ARHGAP32: variants seen among roughly 807,000 people sequenced by gnomAD.
ARHGAP32 encodes the protein Rho GTPase activating protein 32, also known as rho GTPase-activating protein 32.
Under a neutral mutation model 186.5 loss-of-function variants are expected in ARHGAP32, and 51 were observed. That is an observed-to-expected ratio of 0.27 (90% CI 0.22 to 0.35). ARHGAP32 has a LOEUF of 0.35. ARHGAP32 is among the 10% of genes least tolerant of loss of function. ARHGAP32 has a pLI of 1.00. For synonymous variants in ARHGAP32, 950 were observed against 964.3 expected (o/e 0.99, Z 0.27); for missense variants, 2,186 against 2,623.5 (o/e 0.83, Z 3.64).
intron 7 of ARHGAP32, among the ~76,000 whole-genome samples, chr11:129,065,437 T>C (rs558404682): frequency 6.6e-6 from 1 of 152,202 alleles, no homozygotes; most frequent in South Asian, 2.1e-4. Flanking sequence ...GAATTAGGAA[T>C]TGTGACACAG....
At chr11:128,981,337 C>A (rs1945700727) in intron 17 of ARHGAP32, 79 bp downstream of exon 17, 3 of 1,446,044 alleles carry the variant, frequency 2.1e-6, no homozygotes, top group African/African-American at 2.8e-5. Context: ...TTTGTTGTTG[C>A]AATAAGAAAT....
intron 1 of ARHGAP32, among the ~76,000 whole-genome samples, chr11:129,200,650 G>A (rs1229094894): frequency 1.3e-5 from 2 of 151,940 alleles, no homozygotes; most frequent in Non-Finnish European, 2.9e-5. Context: ...CATGAAAATG[G>A]ACTAATACAA....
chr11:129,086,019 A>AC (rs1555087635), intron 6 of ARHGAP32, among the ~76,000 whole-genome samples: 1 of 147,548 alleles, frequency 6.8e-6, no homozygotes, highest in African/African-American at 2.6e-5. Flanking sequence ...CAAACAAACA[A>AC]AAAAAAAAAA....
intron 17 of ARHGAP32, among the ~76,000 whole-genome samples, chr11:128,981,150 C>A (rs1945695470): frequency 1.3e-5 from 2 of 152,160 alleles, no homozygotes; most frequent in South Asian, 4.1e-4. Flanking sequence ...TTCTTCTGTT[C>A]CACTTTATAC....
chr11:129,049,510 T>A (rs1191684463), intron 10 of ARHGAP32, among the ~76,000 whole-genome samples: 1 of 152,184 alleles, frequency 6.6e-6, no homozygotes, highest in Admixed American at 6.5e-5. Context: ...TTTCCTTATA[T>A]CTCTTTGTAA....
In ARHGAP32 at chr11:128,998,435, A is replaced by G; in HGVS notation, c.1079T>C (p.Leu360Ser). Residue 360 changes from leucine to serine, a missense_variant, in exon 12 of 23, where the codon TTA becomes TCA. Physicochemically the swap from Leu to Ser is moderately radical, Grantham distance 145. This residue lies in a region of ARHGAP32 where 308 missense variants were observed against 596.5 expected (regional missense o/e 0.52). Transcript: ENST00000682385. ...TGGACGAGACTTCATGAATGTTCGTAAGAACGTAATGAGCTTGCCGTGCTT... is the reference window on the plus strand; with the variant it reads ...TGGACGAGACTTCATGAATGTTCGTGAGAACGTAATGAGCTTGCCGTGCTT... Reference protein sequence around the residue: ...SKKHGKLITFLRTFMKSRPTK... With the variant: ...SKKHGKLITFSRTFMKSRPTK... The G allele has an allele frequency of 6.3e-7, 1 of 1,591,698 alleles. No homozygotes were observed. Among genetic ancestry groups the G allele is most frequent in the South Asian group, 1.2e-5 (1 of 85,208 alleles).
intron 11 of ARHGAP32, among the ~76,000 whole-genome samples, chr11:129,020,260 G>A (rs1201161960): frequency 1.3e-5 from 2 of 151,988 alleles, no homozygotes; most frequent in Non-Finnish European, 1.5e-5. Flanking sequence ...AAAAATCACT[G>A]TTAAAGGTTA....
chr11:129,212,705 TAAATG>T (rs1944595827), intron 1 of ARHGAP32, among the ~76,000 whole-genome samples: 5 of 152,186 alleles, frequency 3.3e-5, no homozygotes, highest in African/African-American at 9.7e-5. Context: ...TTACACTACA[TAAATG>T]AAATGGTCTG....
chr11:128,969,484 G>C lies in ARHGAP32; in HGVS notation c.5729C>G (p.Pro1910Arg). Residue 1910 changes from proline to arginine, a missense_variant, in exon 23 of 23, where the codon CCT (proline) becomes CGT (arginine). This residue lies in a region of ARHGAP32 where 1,502 missense variants were observed against 1,570.0 expected (regional missense o/e 0.96). Coordinates refer to ENST00000682385, the MANE Select transcript of ARHGAP32 (RefSeq NM_001378024.1). This position sits in a 1 kb window ranked among gnomAD's most constrained non-coding sequence, Gnocchi z 4.8. ...RQFCESKNGPPYPQGAGQLDY... is the reference protein window; with the variant it reads ...RQFCESKNGPRYPQGAGQLDY... ...TAACTGGCCAGCTCCCTGGGGATAA[G>C]GGGGCCCATTCTTTGACTCACAGAA... 6.2e-7 allele frequency: 1 copy of C among 1,614,178 alleles called. No individual in the cohort carries two copies.
intron 11 of ARHGAP32, among the ~76,000 whole-genome samples, chr11:129,010,457 A>G (rs1032113741): frequency 2.6e-5 from 4 of 152,040 alleles, no homozygotes; most frequent in African/African-American, 9.7e-5. Flanking sequence ...TCCATCTTGA[A>G]TTGATTTTTG....
intron 1 of ARHGAP32, among the ~76,000 whole-genome samples, chr11:129,266,862 C>G (rs1945407365): frequency 6.6e-6 from 1 of 152,142 alleles, no homozygotes; most frequent in African/African-American, 2.4e-5. Flanking sequence ...CCCAAAATCT[C>G]CCACCTCTTC....
chr11:129,265,034 C>A (rs375514635), intron 1 of ARHGAP32, among the ~76,000 whole-genome samples: 22 of 152,314 alleles, frequency 1.4e-4, no homozygotes, highest in Non-Finnish European at 2.2e-4. Flanking sequence ...AAAAGCCTAA[C>A]CTTCACCATT....
chr11:129,049,812 C>T (rs569807041), intron 10 of ARHGAP32, among the ~76,000 whole-genome samples: 1 of 149,694 alleles, frequency 6.7e-6, no homozygotes, highest in African/African-American at 2.4e-5. Flanking sequence ...CAGTTTTAAA[C>T]TATTACATAT....
At chr11:129,006,961 C>T (rs1174150520) in intron 11 of ARHGAP32, among the ~76,000 whole-genome samples, 1 of 152,082 alleles carries the variant, frequency 6.6e-6, no homozygotes, top group African/African-American at 2.4e-5. Context: ...CTTTCCTACT[C>T]TTCTCTCCCC....
intron 1 of ARHGAP32, among the ~76,000 whole-genome samples, chr11:129,219,168 C>A (rs938996500): frequency 2.0e-4 from 30 of 152,164 alleles, no homozygotes; most frequent in Admixed American, 1.9e-3. Flanking sequence ...TTTTAGAATT[C>A]TTCTCCCATT....
chr11:128,982,891 TAAAAAAAAAAAAA>T (rs34630708), intron 15 of ARHGAP32, among the ~76,000 whole-genome samples: 4 of 66,408 alleles, frequency 6.0e-5, no homozygotes, highest in East Asian at 8.5e-4. Context: ...ACCTTGTCTT[TAAAAAAAAAAAAA>T]AAAAAAAAAA....
chr11:129,055,373 G>A (rs1480306235), intron 10 of ARHGAP32, among the ~76,000 whole-genome samples: 1 of 152,220 alleles, frequency 6.6e-6, no homozygotes, highest in African/African-American at 2.4e-5. Context: ...AGACAGTGTT[G>A]TGGCTTCTCA....
At chr11:129,264,671 A>G (rs1304238174) in intron 1 of ARHGAP32, among the ~76,000 whole-genome samples, 1 of 152,224 alleles carries the variant, frequency 6.6e-6, no homozygotes, top group East Asian at 1.9e-4. Flanking sequence ...AGAACTTTTG[A>G]TGGTTCTTGA....
chr11:129,191,590 A>AC (rs1591686803), intron 1 of ARHGAP32, among the ~76,000 whole-genome samples: 1 of 152,082 alleles, frequency 6.6e-6, no homozygotes, highest in African/African-American at 2.4e-5. Context: ...GATCAAAGCC[A>AC]CAAAATAACC....
Sources: allele counts gnomAD v4.1 joint callset (sites outside exome capture counted in the v4.1 genomes callset), GRCh38; gene constraint gnomAD v4.1.1; regional missense constraint gnomAD v4.1.1; non-coding constraint Gnocchi (gnomAD v3.1); transcripts MANE v1.5; gene names NCBI Gene and HGNC (gene_info 2026-07-23, HGNC 2026-07-21).